The following PTPRT variants were observed in gnomAD, a reference collection of about 807,000 sequenced individuals.
PTPRT encodes the protein protein tyrosine phosphatase receptor type T.
In PTPRT, 56 loss-of-function variants were observed where a neutral mutation model predicts 176.8. That is an observed-to-expected ratio of 0.32 (90% CI 0.26 to 0.40). The LOEUF is 0.40. PTPRT is among the 10% of genes least tolerant of loss of function. PTPRT has a pLI of 1.00. For missense variants in PTPRT, 1,540 were observed against 1,908.2 expected, an observed-to-expected ratio of 0.81 and a Z score of 3.60; for synonymous variants, 783 against 739.0, an observed-to-expected ratio of 1.06 and a Z score of -0.96.
chr20:42,212,416 C>CAAAAAAA (rs34652089), intron 15 of PTPRT, among the ~76,000 whole-genome samples: 1 of 90,608 alleles, frequency 1.1e-5, no homozygotes, highest in Non-Finnish European at 2.3e-5. Flanking sequence ...TCTTTTTTCT[C>CAAAAAAA]AAAAAAAAAA....
intron 7 of PTPRT, among the ~76,000 whole-genome samples, chr20:42,474,070 C>T (rs1263104676): frequency 5.3e-5 from 8 of 152,096 alleles, no homozygotes; most frequent in South Asian, 4.2e-4. Context: ...AAGCACTCTA[C>T]GTATGATAAC....
chr20:42,885,677 G>A, intron 2 of PTPRT, 130 bp downstream of exon 2: 2 of 1,182,554 alleles, frequency 1.7e-6, no homozygotes, highest in Non-Finnish European at 2.3e-6. Context: ...TGAGTGTGGG[G>A]AACTCACTAC....
chr20:42,520,416 C>A (rs530749793), intron 7 of PTPRT, among the ~76,000 whole-genome samples: 5 of 152,002 alleles, frequency 3.3e-5, no homozygotes, highest in Non-Finnish European at 7.4e-5. Flanking sequence ...TTATAATAAC[C>A]CCTTTCTTCT....
chr20:42,809,797 A>T (rs973888291), intron 2 of PTPRT, among the ~76,000 whole-genome samples: 1 of 152,054 alleles, frequency 6.6e-6, no homozygotes, highest in African/African-American at 2.4e-5. Flanking sequence ...ATCCACCCTA[A>T]ATCCAGGATA....
chr20:42,906,866 GA>G (rs372139563), intron 1 of PTPRT, among the ~76,000 whole-genome samples: 3,709 of 146,112 alleles, frequency 0.025, 58 homozygotes, highest in African/African-American at 0.043. Context: ...TTCTAATCTG[GA>G]AAAAAAAAAA....
At chr20:42,645,865 C>T (rs1328515664) in intron 7 of PTPRT, among the ~76,000 whole-genome samples, 2 of 151,122 alleles carry the variant, frequency 1.3e-5, no homozygotes, top group Non-Finnish European at 2.9e-5. Flanking sequence ...TACAAGCCAA[C>T]AAAACTGAAG....
intron 1 of PTPRT, among the ~76,000 whole-genome samples, chr20:43,037,558 A>G (rs1394142276): frequency 6.6e-6 from 1 of 152,248 alleles, no homozygotes; most frequent in Non-Finnish European, 1.5e-5. Context: ...GCAAAGGACA[A>G]AACAGCTTCA....
At chr20:42,572,473 T>C (rs567152074) in intron 7 of PTPRT, among the ~76,000 whole-genome samples, 1 of 152,182 alleles carries the variant, frequency 6.6e-6, no homozygotes, top group East Asian at 1.9e-4. Flanking sequence ...CCACAGGCCA[T>C]GCTCTCATTT....
intron 7 of PTPRT, among the ~76,000 whole-genome samples, chr20:42,627,013 A>T (rs2074302135): frequency 6.9e-6 from 1 of 144,170 alleles, no homozygotes; most frequent in Non-Finnish European, 1.5e-5. Context: ...TCTCCTGTAA[A>T]GGGTCATCAA....
chr20:42,257,774 C>A (rs1322535305), intron 13 of PTPRT, among the ~76,000 whole-genome samples: 3 of 151,644 alleles, frequency 2.0e-5, no homozygotes, highest in African/African-American at 7.3e-5. Context: ...GCTATGCGTC[C>A]TCTACAGCCT....
chr20:42,375,804 T>C (rs182483754), intron 9 of PTPRT, among the ~76,000 whole-genome samples: 99 of 152,332 alleles, frequency 6.5e-4, no homozygotes, highest in African/African-American at 2.3e-3. Flanking sequence ...TGAAGGCTTA[T>C]AGAATGATTG....
intron 9 of PTPRT, among the ~76,000 whole-genome samples, chr20:42,406,738 G>A (rs2058964575): frequency 6.6e-6 from 1 of 152,124 alleles, no homozygotes; most frequent in African/African-American, 2.4e-5. Flanking sequence ...GATGGAAAAT[G>A]TTAAACAAAT....
At chr20:42,415,681 A>T (rs1471608713) in intron 9 of PTPRT, among the ~76,000 whole-genome samples, 2 of 152,270 alleles carry the variant, frequency 1.3e-5, no homozygotes, top group Non-Finnish European at 2.9e-5. Context: ...ACATGCTAGC[A>T]TACATACCTG....
intron 17 of PTPRT, among the ~76,000 whole-genome samples, chr20:42,159,728 T>C (rs561723911): frequency 1.6e-4 from 25 of 152,128 alleles, no homozygotes; most frequent in Non-Finnish European, 3.4e-4. Flanking sequence ...ATTACTTACA[T>C]CCATTGACAT....
intron 7 of PTPRT, among the ~76,000 whole-genome samples, chr20:42,594,636 C>T (rs1198067405): frequency 6.6e-6 from 1 of 152,124 alleles, no homozygotes; most frequent in African/African-American, 2.4e-5. Context: ...TATTTGGTTC[C>T]ACCTTTTCTC....
chr20:42,049,950 C>T, the PTPRT span, among the ~76,000 whole-genome samples: 1 of 152,226 alleles, frequency 6.6e-6, no homozygotes, highest in African/African-American at 2.4e-5. Context: ...CACCATCCTG[C>T]AGATATTCAG....
chr20:42,689,450 A>C (rs936545385), intron 6 of PTPRT, among the ~76,000 whole-genome samples: 1 of 151,910 alleles, frequency 6.6e-6, no homozygotes, highest in African/African-American at 2.4e-5. Flanking sequence ...AAAACCTCGC[A>C]CTCATCCTTT....
chr20:43,151,858 C>A (rs891277638), intron 1 of PTPRT, among the ~76,000 whole-genome samples: 1 of 150,002 alleles, frequency 6.7e-6, no homozygotes, highest in East Asian at 1.9e-4. Context: ...AGCGAAACTC[C>A]GTCTCAAAAA....
chr20:43,084,455 GA>G (rs1327046255), intron 1 of PTPRT, among the ~76,000 whole-genome samples: 1 of 152,150 alleles, frequency 6.6e-6, no homozygotes. Flanking sequence ...AAGCAATGGG[GA>G]AACTGCCAAA....
Sources: gnomAD v4.1 joint callset for allele counts (sites outside exome capture counted in the v4.1 genomes callset) on GRCh38, gnomAD v4.1.1 for gene constraint, MANE v1.5 for transcripts, NCBI Gene and HGNC (gene_info 2026-07-23, HGNC 2026-07-21) for gene names.